Variants in CARHSP1 observed in about 807,000 individuals in gnomAD.
The protein encoded by CARHSP1 is calcium regulated heat stable protein 1.
In CARHSP1, 14 loss-of-function variants were observed where a neutral mutation model predicts 12.5. The ratio of observed to expected loss-of-function variants is 1.12; its 90% CI spans 0.74 to 1.75. The LOEUF (loss-of-function observed/expected upper bound fraction) is 1.75, where lower values mean the gene tolerates loss of function less well. Among genes scored for constraint, CARHSP1 ranks in the 40% most tolerant of loss-of-function variants. The probability of loss-of-function intolerance (pLI) is 0.00; values close to 1 mark genes in which losing one functional copy is unlikely to be tolerated. For missense variants in CARHSP1, 343 were observed against 201.6 expected, an observed-to-expected ratio of 1.70 and a Z score of -4.25; for synonymous variants, 161 against 82.0, an observed-to-expected ratio of 1.96 and a Z score of -5.20.
At chr16:8,868,582 C>A (rs1363409856) in intron 1 of CARHSP1, 4 of 151,316 alleles carry the variant, frequency 2.6e-5, no homozygotes, top group Non-Finnish European at 5.9e-5. Context: ...GCTCTGCTTC[C>A]CGCGTGCGAC....
Position 8,855,334 on chromosome 16 carries a change from G to T in CARHSP1, c.282-8C>A. On this transcript the variant is annotated splice_region_variant and splice_polypyrimidine_tract_variant and intron_variant, in intron 3 of 3. Transcript: ENST00000311052. ...ACATACTCCCCTTCCACACTACGGG[G>T]GCATAAATAAAGCAGTCAGGGCTCA... 1 of 1,546,262 alleles carries T rather than the reference G, an allele frequency of 6.5e-7. No individual in the cohort carries two copies. The highest frequency in any genetic ancestry group is 1.2e-5 in the South Asian group (1 of 82,758).
chr16:8,863,455 G>C (rs2061404063), intron 1 of CARHSP1, among the ~76,000 whole-genome samples: 1 of 152,208 alleles, frequency 6.6e-6, no homozygotes, highest in Non-Finnish European at 1.5e-5. Flanking sequence ...CAAAGCCCCA[G>C]CTGGCTGCCA....
At chr16:8,864,799 G>A (rs1355052850) in intron 1 of CARHSP1, among the ~76,000 whole-genome samples, 3 of 152,206 alleles carry the variant, frequency 2.0e-5, no homozygotes, top group African/African-American at 4.8e-5. Context: ...GGAGAAGGGG[G>A]CCTCGGCCGA....
intron 1 of CARHSP1, among the ~76,000 whole-genome samples, chr16:8,861,988 A>ATTTTTTTTTT (rs2061369140): frequency 1.9e-5 from 1 of 52,034 alleles, no homozygotes; most frequent in Non-Finnish European, 4.4e-5. Context: ...AGCATAGCTG[A>ATTTTTTTTTT]CTTTTTTTTT....
At chr16:8,857,375 T>C (rs1186797001) in intron 3 of CARHSP1, 1 of 138,996 alleles carries the variant, frequency 7.2e-6, no homozygotes, top group Non-Finnish European at 1.5e-5. Context: ...CTCCACCTCC[T>C]GGGTTCAAGT....
At chr16:8,858,639 A>G (rs181850017) in intron 2 of CARHSP1, 167 bp from the exon 3 acceptor site, 17,098 of 797,032 alleles carry the variant, frequency 0.021, 274 homozygotes, top group Admixed American at 0.053. Context: ...AGCCGCTCAC[A>G]AAGACGCTGG....
intron 1 of CARHSP1, chr16:8,866,481 A>T: frequency 1.0e-6 from 1 of 985,390 alleles, no homozygotes; most frequent in Non-Finnish European, 1.2e-6. Flanking sequence ...GACCCATCCC[A>T]GTCTCCAGCG....
chr16:8,862,004 T>C (rs1443552294), intron 1 of CARHSP1, among the ~76,000 whole-genome samples: 1 of 141,806 alleles, frequency 7.1e-6, no homozygotes, highest in African/African-American at 2.5e-5. Flanking sequence ...TTTTTTTTTT[T>C]TTTTTTTTTT....
intron 3 of CARHSP1, among the ~76,000 whole-genome samples, chr16:8,856,436 G>C (rs928673594): frequency 6.6e-6 from 1 of 152,192 alleles, no homozygotes; most frequent in African/African-American, 2.4e-5. Context: ...AGCAGAACCA[G>C]ACATCACAAT....
intron 1 of CARHSP1, chr16:8,860,277 C>T: frequency 4.1e-6 from 4 of 982,908 alleles, no homozygotes; most frequent in Non-Finnish European, 4.8e-6. Flanking sequence ...TCCATCAGGC[C>T]CAGTGAATTT....
At chr16:8,859,416 G>A in intron 1 of CARHSP1, 81 bp from the exon 2 acceptor site, 2 of 1,264,740 alleles carry the variant, frequency 1.6e-6, no homozygotes, top group Non-Finnish European at 2.2e-6. Flanking sequence ...ACGTCTGACA[G>A]TCCAGTATCT....
rs554420738 is a variant in CARHSP1, at chr16:8,866,575, T to A, written c.-8+2391A>T. ...AGCTGAGCCCAGATAGAAGGGTCCC[T>A]GGAAGCGATAGAGGCCGAGAACGAG... On this transcript the variant is annotated intron_variant, in intron 1 of 3. Transcript: ENST00000311052. 6.1e-4 allele frequency: 285 copies of A among 469,510 alleles called. 1 individual carries two copies. The highest frequency in any genetic ancestry group is 7.4e-4 in the Non-Finnish European group (265 of 358,510). The allele number at this position is 469,510 out of a possible 1,614,324, so 29.1% of individuals were successfully genotyped here.
rs1157593605 is a variant in CARHSP1, at chr16:8,853,142, T to C, written c.*2022A>G. 2.6e-5 allele frequency: 4 copies of C among 151,860 alleles called. No homozygotes were observed. The highest frequency in any genetic ancestry group is 9.7e-5 in the African/African-American group (4 of 41,320). The allele number at this position is 151,860 out of a possible 1,614,324, so 9.4% of individuals were successfully genotyped here. ...CATCCTGCGGTTCTAGAATACCCATTGATTGAAAGAGCTGTGGCCAAACAG... is the reference window on the plus strand; with the variant it reads ...CATCCTGCGGTTCTAGAATACCCATCGATTGAAAGAGCTGTGGCCAAACAG... On this transcript the variant is annotated 3_prime_UTR_variant, in exon 4 of 4. Coordinates refer to ENST00000311052, the MANE Select transcript of CARHSP1 (RefSeq NM_014316.4).
Position 8,854,205 on chromosome 16 carries a change from T to A in CARHSP1, c.*959A>T, listed in dbSNP as rs536305154. On this transcript the variant is annotated 3_prime_UTR_variant, in exon 4 of 4. Coordinates refer to ENST00000311052, the MANE Select transcript of CARHSP1 (RefSeq NM_014316.4). ...CCCTAAGCATTTCTTAACACTAGTT[T>A]TAAAGAAAACCCCCTCTCCAAAGGT... 2 of 152,296 alleles carry A rather than the reference T, an allele frequency of 1.3e-5. No homozygotes were observed. The highest frequency in any genetic ancestry group is 2.9e-5 in the Non-Finnish European group (2 of 68,024). The allele number at this position is 152,296 out of a possible 1,614,324, so 9.4% of individuals were successfully genotyped here.
At chr16:8,857,261 C>CTGTTTTTGTTTTT (rs1596526628) in intron 3 of CARHSP1, among the ~76,000 whole-genome samples, 1 of 44,302 alleles carries the variant, frequency 2.3e-5, no homozygotes, top group East Asian at 8.7e-4. Flanking sequence ...TTGGGCAGAT[C>CTGTTTTTGTTTTT]TGTTTTTTTT....
chr16:8,868,194 C>T (rs1274826998), intron 1 of CARHSP1: 1 of 152,414 alleles, frequency 6.6e-6, no homozygotes, highest in Non-Finnish European at 1.5e-5. Flanking sequence ...CTATTAAGAC[C>T]CAAGGCCCTG....
At chr16:8,865,545 G>C (rs1401577598) in intron 1 of CARHSP1, among the ~76,000 whole-genome samples, 1 of 152,244 alleles carries the variant, frequency 6.6e-6, no homozygotes, top group African/African-American at 2.4e-5. Flanking sequence ...CAAAATGAGG[G>C]TGTCTTGAGC....
Position 8,855,194 on chromosome 16 carries a change from C to G in CARHSP1, c.414G>C (p.Glu138Asp), listed in dbSNP as rs1436519283. 6.2e-7 allele frequency: 1 copy of G among 1,611,998 alleles called. No homozygotes were observed. The highest frequency in any genetic ancestry group is 2.2e-5 in the East Asian group (1 of 44,758). ...ITHLAPGTKH[E>D]TWSGHVISS ...AGCTGATGACATGTCCAGACCAGGT[C>G]TCATGCTTGGTGCCTGGTGCCAGGT... The change falls in exon 4 of 4, where the codon GAG becomes GAC. Residue 138 changes from glutamate to aspartate, a missense_variant. Physicochemically the swap from Glu to Asp is conservative, Grantham distance 45 (BLOSUM62 2). Transcript: ENST00000311052.
chr16:8,862,797 G>C (rs1057105311), intron 1 of CARHSP1, among the ~76,000 whole-genome samples: 1 of 152,156 alleles, frequency 6.6e-6, no homozygotes, highest in African/African-American at 2.4e-5. Flanking sequence ...GGCCCGCTCA[G>C]GAATCATGCC....
Sources: allele counts gnomAD v4.1 joint callset (sites outside exome capture counted in the v4.1 genomes callset), GRCh38; gene constraint gnomAD v4.1.1; transcripts MANE v1.5; gene names NCBI Gene and HGNC (gene_info 2026-07-23, HGNC 2026-07-21).